Variants in ADAMTS18 observed in about 807,000 individuals in gnomAD.
ADAMTS18 encodes the protein A disintegrin and metalloproteinase with thrombospondin motifs 18.
In ADAMTS18, 157 loss-of-function variants were observed where a neutral mutation model predicts 165.9. The observed-to-expected ratio is 0.95, with a 90% CI of 0.83 to 1.08. The LOEUF is 1.08. Among genes scored for constraint, ADAMTS18 ranks in the 50% least tolerant of loss-of-function variants. ADAMTS18 has a pLI of 0.00. For missense variants in ADAMTS18, 2,040 were observed against 1,534.0 expected, an observed-to-expected ratio of 1.33 and a Z score of -5.51; for synonymous variants, 782 against 578.2, an observed-to-expected ratio of 1.35 and a Z score of -5.06.
chr16:77,412,635 A>G (rs899854495), intron 3 of ADAMTS18, among the ~76,000 whole-genome samples: 12 of 152,212 alleles, frequency 7.9e-5, no homozygotes, highest in African/African-American at 1.4e-4. Context: ...AGGTCTCACA[A>G]TCATGGTGGA....
chr16:77,327,699 C>G (rs563620067), intron 12 of ADAMTS18, among the ~76,000 whole-genome samples: 1 of 152,304 alleles, frequency 6.6e-6, no homozygotes, highest in African/African-American at 2.4e-5. Flanking sequence ...CCTAAATGTT[C>G]TTTTACTGTA....
At chr16:77,303,750 A>C (rs61136571) in intron 16 of ADAMTS18, among the ~76,000 whole-genome samples, 17,875 of 152,246 alleles carry the variant, frequency 0.12, 1,095 homozygotes, top group East Asian at 0.23. Flanking sequence ...ATCAAGTGCT[A>C]GGGCCGGACG....
Position 77,396,800 on chromosome 16 carries a change from C to T in ADAMTS18, c.496-29077G>A, listed in dbSNP as rs1014739180. Among the ~76,000 whole-genome samples the T allele has an allele frequency of 6.7e-5, 9 of 134,536 alleles. No individual in the cohort carries two copies. The East Asian group carries it at 1.5e-3, about 23-fold the overall frequency. The allele number at this position is 134,536 out of a possible 152,430, so 88.3% of individuals were successfully genotyped here. On this transcript the variant is annotated intron_variant, in intron 3 of 22. Transcript: ENST00000282849. ...ACTAAACAAGTGCCAGTCTTCATTG[C>T]CTTTTTTTTTTTTTTTAATTTTTTG...
At chr16:77,359,182 TA>T (rs1454362027) in intron 8 of ADAMTS18, 135 bp downstream of exon 8, 22 of 804,500 alleles carry the variant, frequency 2.7e-5, no homozygotes, top group Non-Finnish European at 4.3e-5. Flanking sequence ...GCCCTTTGTA[TA>T]GTCAGAAACT....
At chr16:77,320,124 TC>T (rs1185555385) in intron 15 of ADAMTS18, 31 bp from the exon 16 acceptor site, 2 of 1,613,686 alleles carry the variant, frequency 1.2e-6, no homozygotes, top group Non-Finnish European at 1.7e-6. Flanking sequence ...ATGTCTGAAT[TC>T]CACCCCATGC....
At chr16:77,355,202 T>TTGTGTGTGTGTGTG (rs141620918) in intron 9 of ADAMTS18, among the ~76,000 whole-genome samples, 8,591 of 146,552 alleles carry the variant, frequency 0.059, 297 homozygotes, top group Non-Finnish European at 0.083. Context: ...AAAGGTAGGA[T>TTGTGTGTGTGTGTG]TGTGTGTGTG....
chr16:77,379,987 T>C (rs75503097), intron 3 of ADAMTS18, among the ~76,000 whole-genome samples: 13,140 of 152,266 alleles, frequency 0.086, 767 homozygotes, highest in East Asian at 0.26. Flanking sequence ...TCTCAGTCTC[T>C]GTGACTTTCT....
intron 13 of ADAMTS18, among the ~76,000 whole-genome samples, chr16:77,323,012 A>C (rs1305108275): frequency 1.3e-5 from 2 of 152,208 alleles, no homozygotes; most frequent in Admixed American, 1.3e-4. Context: ...GAGAAAAAAA[A>C]CCATGTCATA....
chr16:77,338,878 C>T (rs372159099), intron 11 of ADAMTS18, among the ~76,000 whole-genome samples: 12 of 150,616 alleles, frequency 8.0e-5, no homozygotes, highest in South Asian at 4.2e-4. Flanking sequence ...GGCGTGAACC[C>T]GGGAGATGGA....
At chr16:77,370,377 G>C (rs1052821194) in intron 3 of ADAMTS18, among the ~76,000 whole-genome samples, 2 of 152,192 alleles carry the variant, frequency 1.3e-5, no homozygotes, top group African/African-American at 4.8e-5. Context: ...GAGGAACACA[G>C]TAGAGTTGTA....
chr16:77,294,206 G>A (rs1270120458), intron 19 of ADAMTS18, among the ~76,000 whole-genome samples: 2 of 152,098 alleles, frequency 1.3e-5, no homozygotes, highest in African/African-American at 4.8e-5. Context: ...TCATCTGCAA[G>A]GGAAGCTGTA....
At position 77,353,863 on chromosome 16, in the gene ADAMTS18, A is replaced by T; in HGVS notation, c.1484T>A (p.Val495Glu). ...FLSTPQAGCL[V>E]DEPKQAGQYK... The stretch of plus-strand genomic sequence containing the variant: ...CTGTCCTGCTTGCTTGGGCTCATCC[A>T]CTAGACACCCCGCCTGAGGTGTGCT... Residue 495 changes from valine to glutamate, a missense_variant, in exon 10 of 23, where the codon GTG (valine) becomes GAG (glutamate). Coordinates refer to ENST00000282849, the MANE Select transcript of ADAMTS18 (RefSeq NM_199355.4). 6.2e-7 allele frequency: 1 copy of T among 1,614,176 alleles called. No homozygotes were observed. Among genetic ancestry groups the T allele is most frequent in the Non-Finnish European group, 8.5e-7 (1 of 1,180,030 alleles).
Position 77,283,603 on chromosome 16 carries a change from C to G in ADAMTS18, c.*353G>C, listed in dbSNP as rs2055189962. The G allele has an allele frequency of 3.8e-6, 1 of 263,402 alleles. No homozygotes were observed. The highest frequency in any genetic ancestry group is 2.3e-5 in the African/African-American group (1 of 44,152). 16.3% of individuals were successfully genotyped at this position (263,402 alleles called of 1,614,324 possible). On this transcript the variant is annotated 3_prime_UTR_variant, in exon 23 of 23. Transcript: ENST00000282849. ...GAAGTCATAAAGGACCTTTTTAAAA[C>G]AGATGTCTTTGCCCTTGAACCCTTT...
At chr16:77,382,440 G>C (rs1013758094) in intron 3 of ADAMTS18, among the ~76,000 whole-genome samples, 3 of 152,138 alleles carry the variant, frequency 2.0e-5, no homozygotes, top group African/African-American at 7.2e-5. Flanking sequence ...TCGATCTCCT[G>C]ACCTCGTGAT....
intron 16 of ADAMTS18, among the ~76,000 whole-genome samples, chr16:77,302,475 T>C (rs751594371): frequency 6.6e-6 from 1 of 152,198 alleles, no homozygotes; most frequent in African/African-American, 2.4e-5. Flanking sequence ...CAAGGCAGAA[T>C]GGTATTGCAG....
At chr16:77,400,655 G>T (rs1210537529) in intron 3 of ADAMTS18, among the ~76,000 whole-genome samples, 1 of 151,616 alleles carries the variant, frequency 6.6e-6, no homozygotes, top group Non-Finnish European at 1.5e-5. Context: ...CTAATTTTTT[G>T]TATTTTTAGT....
At chr16:77,393,551 T>C (rs972324784) in intron 3 of ADAMTS18, among the ~76,000 whole-genome samples, 6 of 152,194 alleles carry the variant, frequency 3.9e-5, no homozygotes, top group Non-Finnish European at 7.4e-5. Flanking sequence ...AAAAGGCAGA[T>C]GGAAAGATGA....
chr16:77,365,965 C>G (rs1465519252), intron 4 of ADAMTS18, among the ~76,000 whole-genome samples: 1 of 152,174 alleles, frequency 6.6e-6, no homozygotes, highest in East Asian at 1.9e-4. Context: ...TCAAACATGT[C>G]TTACCACTAT....
At chr16:77,307,437 G>A (rs1006522443) in intron 16 of ADAMTS18, among the ~76,000 whole-genome samples, 1 of 152,194 alleles carries the variant, frequency 6.6e-6, no homozygotes, top group Non-Finnish European at 1.5e-5. Flanking sequence ...ATTTGGAAAT[G>A]CATCTGTTAG....
Sources: gnomAD v4.1 joint callset for allele counts (sites outside exome capture counted in the v4.1 genomes callset) on GRCh38, gnomAD v4.1.1 for gene constraint, MANE v1.5 for transcripts, NCBI Gene and HGNC (gene_info 2026-07-23, HGNC 2026-07-21) for gene names.